Variants in CHODL observed in about 807,000 individuals in gnomAD.
CHODL encodes chondrolectin, also known as transmembrane protein MT75.
Under a neutral mutation model 34.5 loss-of-function variants are expected in CHODL, and 29 were observed. The observed-to-expected ratio is 0.84, with a 90% CI of 0.63 to 1.15. CHODL has a LOEUF of 1.15. CHODL is among the 50% of genes most tolerant of loss of function. The pLI, the probability that CHODL is intolerant of heterozygous loss-of-function variation, is 0.00. For missense variants in CHODL, 332 were observed against 332.5 expected (o/e 1.00, Z 0.01); for synonymous variants, 125 against 116.1 (o/e 1.08, Z -0.49).
chr21:17,927,865 T>A (rs2063241183), intron 1 of CHODL, among the ~76,000 whole-genome samples: 1 of 152,224 alleles, frequency 6.6e-6, no homozygotes, highest in Non-Finnish European at 1.5e-5. Context: ...AAATGATAAA[T>A]GAAAGATGTA....
rs371070358 is a variant in CHODL at position 17,939,238 on chromosome 21, T to C, written c.-145+21838T>C. The stretch of plus-strand genomic sequence containing the variant: ...GCCTGCTGATTAGTAACTCCTCATT[T>C]CTCCTCCCCCCACCTCAGTAACTGC... On this transcript the variant is annotated intron_variant, in intron 1 of 6. Transcript: ENST00000400127. Among the ~76,000 whole-genome samples the C allele has an allele frequency of 4.6e-5, 7 of 152,186 alleles. No homozygotes were observed. The South Asian group carries it at 1.2e-3, about 27-fold the overall frequency.
intron 1 of CHODL, among the ~76,000 whole-genome samples, chr21:17,959,133 C>T (rs2146349553): frequency 6.6e-6 from 1 of 152,112 alleles, no homozygotes; most frequent in Admixed American, 6.6e-5. Flanking sequence ...AAAAAGTGGC[C>T]ACCAAGATGA....
chr21:18,122,410 T>G (rs1227092261), intron 2 of CHODL, among the ~76,000 whole-genome samples: 1 of 152,112 alleles, frequency 6.6e-6, no homozygotes, highest in South Asian at 2.1e-4. Context: ...ATTTGAGCAG[T>G]GTAAGGGGAA....
At chr21:18,141,578 G>A (rs2072803333) in intron 2 of CHODL, among the ~76,000 whole-genome samples, 1 of 152,030 alleles carries the variant, frequency 6.6e-6, no homozygotes, top group African/African-American at 2.4e-5. Context: ...GAGAATTGGA[G>A]TTGACAGCAT....
chr21:18,110,013 G>A (rs982907465), intron 2 of CHODL, among the ~76,000 whole-genome samples: 1 of 152,184 alleles, frequency 6.6e-6, no homozygotes, highest in African/African-American at 2.4e-5. Context: ...AATGTGCTTT[G>A]CTGACAAGTC....
At chr21:18,242,354 C>T (rs530856460), upstream of CHODL, among the ~76,000 whole-genome samples, 21 of 152,200 alleles carry the variant, frequency 1.4e-4, no homozygotes, top group South Asian at 4.4e-3. Context: ...CTCCCAATAA[C>T]CTTGTAACAT....
chr21:17,942,689 A>G lies in CHODL; in HGVS notation c.-145+25289A>G, dbSNP rs114794090. 2.3e-3 allele frequency among the ~76,000 whole-genome samples: 355 copies of G among 152,368 alleles called. 3 individuals are homozygous for G. The highest frequency in any genetic ancestry group is 8.2e-3 in the African/African-American group (340 of 41,582). The stretch of plus-strand genomic sequence containing the variant: ...AAAGGTTAATGTGGTAGTCAGTTTT[A>G]TATGTCCATGTGGGTAAGCAATGGT... On this transcript the variant is annotated intron_variant, in intron 1 of 6. Coordinates refer to the CHODL transcript ENST00000400127.
chr21:17,967,432 G>A (rs1301440854), intron 1 of CHODL, among the ~76,000 whole-genome samples: 3 of 152,036 alleles, frequency 2.0e-5, no homozygotes, highest in Non-Finnish European at 4.4e-5. Context: ...TCTTCTTTGT[G>A]AGAAGTCTTA....
At chr21:18,009,764 T>C (rs745719571) in intron 1 of CHODL, among the ~76,000 whole-genome samples, 3 of 151,024 alleles carry the variant, frequency 2.0e-5, no homozygotes, top group Non-Finnish European at 1.5e-5. Context: ...GGTAGGTGCC[T>C]GTAGTCCCAG....
chr21:18,245,945 G>T, intron 1 of CHODL: 5 of 1,535,400 alleles, frequency 3.3e-6, no homozygotes, highest in Non-Finnish European at 3.5e-6. Flanking sequence ...GGTATACTTG[G>T]TAATGACTGC....
chr21:18,193,905 C>T (rs1029963656), intron 2 of CHODL, among the ~76,000 whole-genome samples: 2 of 151,988 alleles, frequency 1.3e-5, no homozygotes, highest in African/African-American at 4.8e-5. Flanking sequence ...AAACCTGCCC[C>T]CCCTTGGTAA....
intron 2 of CHODL, among the ~76,000 whole-genome samples, chr21:18,068,928 C>A (rs1341737024): frequency 6.6e-6 from 1 of 152,084 alleles, no homozygotes; most frequent in Non-Finnish European, 1.5e-5. Context: ...TTACTCACAA[C>A]AGTGGCAGCC....
chr21:17,986,003 C>T (rs904030091), intron 1 of CHODL, among the ~76,000 whole-genome samples: 2 of 152,084 alleles, frequency 1.3e-5, no homozygotes, highest in African/African-American at 4.8e-5. Context: ...ACCTTCATGA[C>T]CTAATTATCT....
At chr21:18,096,672 T>A (rs2065143564) in intron 2 of CHODL, among the ~76,000 whole-genome samples, 1 of 152,144 alleles carries the variant, frequency 6.6e-6, no homozygotes, top group Non-Finnish European at 1.5e-5. Flanking sequence ...TGTTAAGATG[T>A]TTATCAGTGA....
chr21:17,939,060 A>G (rs2063343168), intron 1 of CHODL, among the ~76,000 whole-genome samples: 1 of 152,178 alleles, frequency 6.6e-6, no homozygotes, highest in African/African-American at 2.4e-5. Context: ...GAAGATTTAA[A>G]ATTTTATCTT....
intron 2 of CHODL, among the ~76,000 whole-genome samples, chr21:18,122,754 C>T (rs780534454): frequency 1.1e-4 from 17 of 152,116 alleles, no homozygotes; most frequent in South Asian, 2.1e-4. Flanking sequence ...TTAAAAAATG[C>T]GTTCATCAAA....
intron 1 of CHODL, among the ~76,000 whole-genome samples, chr21:17,920,009 C>G (rs2063171699): frequency 6.6e-6 from 1 of 152,200 alleles, no homozygotes; most frequent in Non-Finnish European, 1.5e-5. Context: ...CATCTGAGAT[C>G]ACCTTAGCCT....
At chr21:18,223,773 T>C (rs1460587726) in intron 2 of CHODL, among the ~76,000 whole-genome samples, 1 of 152,002 alleles carries the variant, frequency 6.6e-6, no homozygotes, top group African/African-American at 2.4e-5. Context: ...TTCTGTTGTC[T>C]AAAGCCACTG....
At chr21:18,247,563 A>G (rs969564015) in intron 1 of CHODL, among the ~76,000 whole-genome samples, 10 of 152,136 alleles carry the variant, frequency 6.6e-5, no homozygotes, top group Non-Finnish European at 1.0e-4. Flanking sequence ...AAGAAATGAC[A>G]TTTCAAACAA....
Sources: gnomAD v4.1 joint callset for allele counts (sites outside exome capture counted in the v4.1 genomes callset) on GRCh38, gnomAD v4.1.1 for gene constraint, MANE v1.5 for transcripts, NCBI Gene and HGNC (gene_info 2026-07-23, HGNC 2026-07-21) for gene names.